The following KCNT2 variants were observed in gnomAD, a reference collection of about 807,000 sequenced individuals.
KCNT2 encodes the protein potassium channel subfamily T member 2.
In KCNT2, 67 loss-of-function variants were observed where a neutral mutation model predicts 153.8. That is an observed-to-expected ratio of 0.44 (90% CI 0.36 to 0.53). The LOEUF (loss-of-function observed/expected upper bound fraction) is 0.53. Ranked by LOEUF, KCNT2 falls within the 20% of genes least tolerant of loss-of-function variation. KCNT2 has a pLI of 0.00. For missense variants in KCNT2, 975 were observed against 1,354.8 expected (o/e 0.72, Z 4.40); for synonymous variants, 500 against 458.8 (o/e 1.09, Z -1.15).
At chr1:196,366,714 G>A (rs948461493) in intron 14 of KCNT2, among the ~76,000 whole-genome samples, 1 of 151,982 alleles carries the variant, frequency 6.6e-6, no homozygotes, top group Non-Finnish European at 1.5e-5. Context: ...ACTACTGCCA[G>A]CAGAAATATT....
intron 1 of KCNT2, among the ~76,000 whole-genome samples, chr1:196,541,570 T>C (rs1207057644): frequency 6.6e-6 from 1 of 152,166 alleles, no homozygotes; most frequent in Non-Finnish European, 1.5e-5. Flanking sequence ...TACAACAGCA[T>C]AAATGAGTAT....
At chr1:196,564,206 A>G (rs908975381) in intron 1 of KCNT2, among the ~76,000 whole-genome samples, 39 of 151,834 alleles carry the variant, frequency 2.6e-4, no homozygotes, top group Non-Finnish European at 7.4e-5. Flanking sequence ...AATTAGTAGG[A>G]TTTCTACACA....
At chr1:196,348,217 A>AC (rs1558178116) in intron 14 of KCNT2, among the ~76,000 whole-genome samples, 4 of 152,076 alleles carry the variant, frequency 2.6e-5, no homozygotes, top group African/African-American at 9.7e-5. Flanking sequence ...AAAAAAAAAA[A>AC]AACTGAGTTT....
intron 27 of KCNT2, among the ~76,000 whole-genome samples, chr1:196,232,253 C>G (rs1047991472): frequency 6.6e-6 from 1 of 151,648 alleles, no homozygotes; most frequent in Non-Finnish European, 1.5e-5. Context: ...TTTTTAATAC[C>G]ATATCATCTA....
At chr1:196,448,984 T>A (rs139653305) in intron 8 of KCNT2, among the ~76,000 whole-genome samples, 4 of 151,858 alleles carry the variant, frequency 2.6e-5, no homozygotes, top group African/African-American at 9.6e-5. Context: ...CACAATGCTT[T>A]TATATAAATG....
At chr1:196,323,217 T>G (rs909675618) in intron 19 of KCNT2, among the ~76,000 whole-genome samples, 6 of 151,972 alleles carry the variant, frequency 3.9e-5, no homozygotes, top group African/African-American at 1.4e-4. Context: ...ACTTTCAAAA[T>G]AAGCTGAAGT....
intron 1 of KCNT2, among the ~76,000 whole-genome samples, chr1:196,555,481 A>G (rs1658518297): frequency 6.6e-6 from 1 of 151,322 alleles, no homozygotes; most frequent in African/African-American, 2.4e-5. Flanking sequence ...ACTATAAAAT[A>G]CTAATGTAAG....
intron 14 of KCNT2, among the ~76,000 whole-genome samples, chr1:196,352,654 C>A (rs1033523462): frequency 9.9e-5 from 15 of 152,026 alleles, no homozygotes; most frequent in Non-Finnish European, 1.9e-4. Flanking sequence ...TTCAAAAAAC[C>A]AGCTCCTGGA....
intron 12 of KCNT2, among the ~76,000 whole-genome samples, chr1:196,403,386 G>T (rs945084596): frequency 6.6e-6 from 1 of 151,664 alleles, no homozygotes; most frequent in Non-Finnish European, 1.5e-5. Context: ...GTGGTTGCCA[G>T]GTTGGGGAAA....
intron 13 of KCNT2, among the ~76,000 whole-genome samples, chr1:196,389,298 T>A (rs187101577): frequency 6.6e-6 from 1 of 151,868 alleles, no homozygotes; most frequent in Non-Finnish European, 1.5e-5. Context: ...AATTTTCTTT[T>A]CTCATGATGT....
intron 8 of KCNT2, among the ~76,000 whole-genome samples, chr1:196,430,289 A>G (rs1434772202): frequency 6.6e-6 from 1 of 151,998 alleles, no homozygotes; most frequent in Non-Finnish European, 1.5e-5. Flanking sequence ...AAAAGGTGAG[A>G]CCATTAAGAG....
At chr1:196,483,983 A>T (rs960706301) in intron 3 of KCNT2, among the ~76,000 whole-genome samples, 5 of 152,074 alleles carry the variant, frequency 3.3e-5, no homozygotes, top group Admixed American at 3.3e-4. Context: ...TTATATTCTG[A>T]GTAACATTTG....
chr1:196,448,338 T>C (rs1409690850), intron 8 of KCNT2, among the ~76,000 whole-genome samples: 2 of 151,604 alleles, frequency 1.3e-5, no homozygotes, highest in Non-Finnish European at 3.0e-5. Flanking sequence ...TATTTGCACA[T>C]TATAAAAATT....
intron 1 of KCNT2, among the ~76,000 whole-genome samples, chr1:196,565,159 A>G (rs1659941963): frequency 6.6e-6 from 1 of 151,958 alleles, no homozygotes; most frequent in South Asian, 2.1e-4. Context: ...TCTCAAAGAA[A>G]AACATATAAA....
chr1:196,393,461 C>G lies in KCNT2; in HGVS notation c.1294+5102G>C, dbSNP rs866788139. On this transcript the variant is annotated intron_variant, in intron 13 of 27. Coordinates refer to ENST00000294725, the MANE Select transcript of KCNT2 (RefSeq NM_198503.5). The stretch of plus-strand genomic sequence containing the variant: ...TAACCTCATCTGACTAGGAGACAAA[C>G]AGCAAACTTCATTCAGCTGAAATTG... 3.3e-5 allele frequency among the ~76,000 whole-genome samples: 5 copies of G among 151,760 alleles called. No individual in the cohort carries two copies. In the South Asian group the frequency reaches 8.3e-4, roughly 25 times the overall value.
chr1:196,339,520 C>CAGAGAGAGAGAGAGAGAGAGAGAGAG (rs5779831), intron 16 of KCNT2, among the ~76,000 whole-genome samples: 3 of 137,906 alleles, frequency 2.2e-5, no homozygotes, highest in African/African-American at 8.6e-5. Flanking sequence ...CACACACACA[C>CAGAGAGAGAGAGAGAGAGAGAGAGAG]AGAGAGAGAG....
rs372961455 is a variant in KCNT2, at chr1:196,250,677, G to A, written c.3211+7517C>T. ...CAGCAAAGGAAACAAACAACAAAGT[G>A]AAGTTACAACCCACAATATGGGAGA... On this transcript the variant is annotated intron_variant, in intron 26 of 27. Coordinates refer to ENST00000294725, the MANE Select transcript of KCNT2 (RefSeq NM_198503.5). 9.9e-5 allele frequency among the ~76,000 whole-genome samples: 15 copies of A among 152,164 alleles called. No individual in the cohort carries two copies. In the South Asian group the frequency reaches 2.9e-3, roughly 29 times the overall value.
chr1:196,433,211 G>T (rs1157131350), intron 8 of KCNT2, among the ~76,000 whole-genome samples: 1 of 151,974 alleles, frequency 6.6e-6, no homozygotes, highest in Non-Finnish European at 1.5e-5. Flanking sequence ...TGTGAAAAAG[G>T]AATTTCTATT....
rs145546242 is a variant in KCNT2, at chr1:196,291,220, G to A, written c.2596-5462C>T. ...AGGTCCTCCTCATCCTTCAAAATAC[G>A]TATCATGCTACCCACTCTATGAAAT... On this transcript the variant is annotated intron_variant, in intron 22 of 27. Coordinates refer to ENST00000294725, the MANE Select transcript of KCNT2 (RefSeq NM_198503.5). Among the ~76,000 whole-genome samples the A allele has an allele frequency of 3.5e-3, 525 of 151,656 alleles. 5 individuals carry two copies. The highest frequency in any genetic ancestry group is 0.015 in the South Asian group (74 of 4,796).
Sources: allele counts gnomAD v4.1 joint callset (sites outside exome capture counted in the v4.1 genomes callset), GRCh38; gene constraint gnomAD v4.1.1; transcripts MANE v1.5; gene names NCBI Gene and HGNC (gene_info 2026-07-23, HGNC 2026-07-21).